GLIS3: variants seen among roughly 807,000 people sequenced by gnomAD.
The protein encoded by GLIS3 is zinc finger protein GLIS3.
GLIS3 carries 53 observed loss-of-function variants against 78.6 expected under a neutral mutation model. The ratio of observed to expected loss-of-function variants is 0.67; its 90% CI spans 0.54 to 0.85. The LOEUF (loss-of-function observed/expected upper bound fraction) is 0.85. GLIS3 is among the 40% of genes least tolerant of loss of function. The pLI is 0.00. For missense variants in GLIS3, 1,703 were observed against 1,231.1 expected (o/e 1.38, Z -5.74); for synonymous variants, 684 against 509.9 (o/e 1.34, Z -4.60).
intron 2 of GLIS3, among the ~76,000 whole-genome samples, chr9:4,228,890 C>T (rs879905729): frequency 6.6e-6 from 1 of 152,066 alleles, no homozygotes; most frequent in Non-Finnish European, 1.5e-5. Flanking sequence ...ACCAGAAGGG[C>T]CAGAGAAAGA....
intron 8 of GLIS3, among the ~76,000 whole-genome samples, chr9:3,860,917 C>A (rs982446728): frequency 6.6e-6 from 1 of 152,066 alleles, no homozygotes; most frequent in Non-Finnish European, 1.5e-5. Flanking sequence ...TAAGGGGAGA[C>A]AGGCAGTGAA....
chr9:3,927,137 G>A (rs1175306747), intron 6 of GLIS3, among the ~76,000 whole-genome samples: 1 of 152,164 alleles, frequency 6.6e-6, no homozygotes, highest in South Asian at 2.1e-4. Context: ...GTAAATCTAT[G>A]AGGGCACAGA....
In GLIS3 at chr9:4,070,122, T is replaced by G. The variant is rs1050332673; in HGVS notation, c.1710+47646A>C. On this transcript the variant is annotated intron_variant, in intron 4 of 10. Transcript: ENST00000381971. ...TATATATAATATATGACTTCCATATTGGATCTTAATTCTCACTACCTCTGC... is the reference window on the plus strand; with the variant it reads ...TATATATAATATATGACTTCCATATGGGATCTTAATTCTCACTACCTCTGC... Among the ~76,000 whole-genome samples, 5 of 152,282 alleles carry G rather than the reference T, an allele frequency of 3.3e-5. No individual in the cohort carries two copies. The East Asian group carries it at 7.7e-4, about 24-fold the overall frequency.
chr9:4,364,750 G>T, the GLIS3 span, among the ~76,000 whole-genome samples: 6 of 53,890 alleles, frequency 1.1e-4, no homozygotes, highest in Admixed American at 2.6e-4. Flanking sequence ...CTGTCATCAT[G>T]TATTGCTTTT....
At chr9:3,851,101 G>T (rs1819405537) in intron 9 of GLIS3, among the ~76,000 whole-genome samples, 1 of 152,222 alleles carries the variant, frequency 6.6e-6, no homozygotes, top group Non-Finnish European at 1.5e-5. Flanking sequence ...GGGCCCAGAA[G>T]CAGGAAAGTT....
intron 8 of GLIS3, among the ~76,000 whole-genome samples, chr9:3,874,116 A>G (rs1372913284): frequency 1.3e-5 from 2 of 152,086 alleles, no homozygotes; most frequent in African/African-American, 4.8e-5. Context: ...GCCTGAAAGA[A>G]TGAGACTGAG....
At chr9:4,008,535 G>A (rs138520670) in intron 4 of GLIS3, among the ~76,000 whole-genome samples, 21 of 152,322 alleles carry the variant, frequency 1.4e-4, no homozygotes, top group Admixed American at 1.0e-3. Flanking sequence ...CATACCTCCA[G>A]GTGTTCCCTT....
the GLIS3 span, among the ~76,000 whole-genome samples, chr9:4,437,436 C>A: frequency 6.1e-5 from 7 of 114,566 alleles, no homozygotes; most frequent in African/African-American, 2.0e-4. Context: ...ATCTATCTAT[C>A]TATCTATCTA....
chr9:4,139,717 TC>T (rs960991076), intron 2 of GLIS3, among the ~76,000 whole-genome samples: 8 of 152,144 alleles, frequency 5.3e-5, no homozygotes, highest in African/African-American at 1.9e-4. Context: ...CCACCTCAGA[TC>T]ATCAGGCATT....
intron 2 of GLIS3, among the ~76,000 whole-genome samples, chr9:4,141,740 A>G (rs1482678981): frequency 6.6e-6 from 1 of 152,250 alleles, no homozygotes; most frequent in Non-Finnish European, 1.5e-5. Flanking sequence ...TGAAATATCT[A>G]CCTTTTGGCT....
At chr9:3,973,318 T>C (rs1818528233) in intron 4 of GLIS3, among the ~76,000 whole-genome samples, 1 of 152,140 alleles carries the variant, frequency 6.6e-6, no homozygotes, top group Admixed American at 6.6e-5. Context: ...TAATTGTTTA[T>C]GTGGTAGATC....
At chr9:3,839,905 C>T (rs1328192667) in intron 9 of GLIS3, among the ~76,000 whole-genome samples, 1 of 152,012 alleles carries the variant, frequency 6.6e-6, no homozygotes, top group Non-Finnish European at 1.5e-5. Flanking sequence ...TTCTACAAAC[C>T]CTGAAGTGTA....
chr9:4,490,423 C>G, the GLIS3 span: 1 of 257,478 alleles, frequency 3.9e-6, no homozygotes, highest in Non-Finnish European at 7.2e-6. Flanking sequence ...GGCCCAGGCG[C>G]CGCAGAGCGC....
At chr9:4,293,668 A>T (rs1816223745) in intron 1 of GLIS3, among the ~76,000 whole-genome samples, 1 of 152,222 alleles carries the variant, frequency 6.6e-6, no homozygotes. Context: ...TGTGTACAAT[A>T]TTCAGCAGGC....
chr9:4,099,846 T>C (rs1444302330), intron 4 of GLIS3, among the ~76,000 whole-genome samples: 3 of 152,246 alleles, frequency 2.0e-5, no homozygotes, highest in Non-Finnish European at 2.9e-5. Context: ...AAGATTTGTT[T>C]TCACCTTCAA....
At chr9:3,996,391 T>A (rs541345795) in intron 4 of GLIS3, among the ~76,000 whole-genome samples, 1 of 152,116 alleles carries the variant, frequency 6.6e-6, no homozygotes, top group African/African-American at 2.4e-5. Context: ...ATTTGTGAGA[T>A]CAAAATAGAT....
chr9:4,459,526 G>A, the GLIS3 span, among the ~76,000 whole-genome samples: 1 of 152,244 alleles, frequency 6.6e-6, no homozygotes, highest in Non-Finnish European at 1.5e-5. Context: ...CACTTTGGGA[G>A]GCCAAGATGG....
intron 2 of GLIS3, among the ~76,000 whole-genome samples, chr9:4,275,735 C>A (rs1385704499): frequency 6.6e-6 from 1 of 151,990 alleles, no homozygotes; most frequent in Non-Finnish European, 1.5e-5. Flanking sequence ...TGCACTCTGG[C>A]CTGGGGGACA....
chr9:4,181,161 T>C lies in GLIS3; in HGVS notation c.389-55220A>G, dbSNP rs114121013. Among the ~76,000 whole-genome samples, 436 of 152,340 alleles carry C rather than the reference T, an allele frequency of 2.9e-3. 2 individuals are homozygous for C. Among genetic ancestry groups the C allele is most frequent in the African/African-American group, 0.01 (426 of 41,580 alleles). On this transcript the variant is annotated intron_variant, in intron 2 of 10. Coordinates refer to ENST00000381971, the MANE Select transcript of GLIS3 (RefSeq NM_001042413.2). ...ATGGTAATGAGAAGGGCTTCAGGCA[T>C]AGCTCCTCTCTGCAAGCATCATTCA... is the stretch of plus-strand genomic sequence containing the variant.
Sources: gnomAD v4.1 joint callset for allele counts (sites outside exome capture counted in the v4.1 genomes callset) on GRCh38, gnomAD v4.1.1 for gene constraint, MANE v1.5 for transcripts, NCBI Gene and HGNC (gene_info 2026-07-23, HGNC 2026-07-21) for gene names.